The following PITPNC1 variants were observed in gnomAD, a reference collection of about 807,000 sequenced individuals.
PITPNC1 encodes the protein phosphatidylinositol transfer protein cytoplasmic 1.
In PITPNC1, 18 loss-of-function variants were observed where a neutral mutation model predicts 44.7. The observed-to-expected ratio is 0.40, with a 90% CI of 0.28 to 0.60. The LOEUF is 0.60. Ranked by LOEUF, PITPNC1 falls within the 20% of genes least tolerant of loss-of-function variation. The pLI is 0.39. For synonymous variants in PITPNC1, 141 were observed against 149.6 expected (o/e 0.94, Z 0.42); for missense variants, 290 against 418.4 (o/e 0.69, Z 2.68).
chr17:67,555,486 C>T (rs2040823779), intron 4 of PITPNC1, among the ~76,000 whole-genome samples: 1 of 152,072 alleles, frequency 6.6e-6, no homozygotes, highest in East Asian at 1.9e-4. Flanking sequence ...CTACCACCAA[C>T]ACTACCCCCT....
intron 1 of PITPNC1, among the ~76,000 whole-genome samples, chr17:67,472,602 G>A (rs2039557461): frequency 6.7e-6 from 1 of 149,438 alleles, no homozygotes; most frequent in Non-Finnish European, 1.5e-5. Context: ...AGCCGAGATT[G>A]CACCACTGCA....
intron 1 of PITPNC1, among the ~76,000 whole-genome samples, chr17:67,405,277 C>T (rs1012632392): frequency 1.3e-5 from 2 of 151,470 alleles, no homozygotes; most frequent in Admixed American, 6.6e-5. Context: ...TAGGGACAGG[C>T]GCAGTGGCTC....
At chr17:67,624,324 A>G (rs1256571269) in intron 5 of PITPNC1, among the ~76,000 whole-genome samples, 1 of 138,796 alleles carries the variant, frequency 7.2e-6, no homozygotes, top group Non-Finnish European at 1.5e-5. Flanking sequence ...CAGTCCTCCC[A>G]CCTCAGCCTC....
chr17:67,477,766 G>A (rs1316188474), intron 1 of PITPNC1, among the ~76,000 whole-genome samples: 1 of 152,112 alleles, frequency 6.6e-6, no homozygotes, highest in Non-Finnish European at 1.5e-5. Flanking sequence ...TCCATCGAGG[G>A]CCCTGGGCTT....
At chr17:67,452,768 G>A (rs927658407) in intron 1 of PITPNC1, among the ~76,000 whole-genome samples, 3 of 152,218 alleles carry the variant, frequency 2.0e-5, no homozygotes, top group African/African-American at 7.2e-5. Flanking sequence ...TTACAGGCGT[G>A]AGCCACTGGG....
intron 3 of PITPNC1, among the ~76,000 whole-genome samples, chr17:67,552,825 G>A (rs950893688): frequency 9.7e-5 from 14 of 144,124 alleles, no homozygotes; most frequent in Admixed American, 6.9e-5. Context: ...AAAAAAAAAA[G>A]CTTATGGAGA....
At chr17:67,448,803 G>C (rs1222062285) in intron 1 of PITPNC1, among the ~76,000 whole-genome samples, 1 of 152,114 alleles carries the variant, frequency 6.6e-6, no homozygotes, top group East Asian at 1.9e-4. Flanking sequence ...TGTTTGAGAT[G>C]GGGTCTTGCT....
chr17:67,522,675 G>GTTTTTTTTTTTTTTTTTTTT (rs1250669305), intron 1 of PITPNC1, among the ~76,000 whole-genome samples: 1 of 18,220 alleles, frequency 5.5e-5, no homozygotes, highest in African/African-American at 3.8e-4. Flanking sequence ...TTTTTTTTTG[G>GTTTTTTTTTTTTTTTTTTTT]AAAATGAGGT....
chr17:67,430,931 A>G (rs1349128176), intron 1 of PITPNC1, among the ~76,000 whole-genome samples: 1 of 152,172 alleles, frequency 6.6e-6, no homozygotes, highest in Non-Finnish European at 1.5e-5. Flanking sequence ...CCTGTGTGAC[A>G]AAGCAAGACC....
chr17:67,515,474 G>T (rs898275481), intron 1 of PITPNC1, among the ~76,000 whole-genome samples: 1 of 152,214 alleles, frequency 6.6e-6, no homozygotes, highest in Non-Finnish European at 1.5e-5. Flanking sequence ...AGCAAAAGAA[G>T]TAGTATATAT....
intron 1 of PITPNC1, among the ~76,000 whole-genome samples, chr17:67,411,011 G>A (rs1484169581): frequency 1.3e-5 from 2 of 151,510 alleles, no homozygotes; most frequent in African/African-American, 4.9e-5. Flanking sequence ...GAACTCGGGA[G>A]GCGGAGGTTG....
chr17:67,644,430 T>C (rs1184458952), intron 6 of PITPNC1, among the ~76,000 whole-genome samples: 1 of 98,490 alleles, frequency 1.0e-5, no homozygotes, highest in African/African-American at 4.6e-5. Context: ...CTGTAATTTT[T>C]TTTTTTTTTT....
At chr17:67,647,296 A>AT (rs2042158911) in intron 6 of PITPNC1, among the ~76,000 whole-genome samples, 1 of 151,502 alleles carries the variant, frequency 6.6e-6, no homozygotes, top group African/African-American at 2.4e-5. Context: ...ACCTTTTATT[A>AT]TTTTTTTTCT....
Position 67,507,630 on chromosome 17 carries a change from G to A in PITPNC1, c.49-25172G>A, listed in dbSNP as rs553536608. On this transcript the variant is annotated intron_variant, in intron 1 of 8. Transcript: ENST00000581322. Reference sequence around the variant, plus strand: ...AACCAGGAGATGGAGGTTTCAGTGCGCTGGGATCGTACTGCTGCACTCCAG... The same window carrying A: ...AACCAGGAGATGGAGGTTTCAGTGCACTGGGATCGTACTGCTGCACTCCAG... 2.5e-4 allele frequency among the ~76,000 whole-genome samples: 38 copies of A among 149,460 alleles called. No homozygotes were observed. The South Asian group carries it at 4.1e-3, about 16-fold the overall frequency.
At chr17:67,644,597 G>C (rs2042127478) in intron 6 of PITPNC1, among the ~76,000 whole-genome samples, 1 of 152,006 alleles carries the variant, frequency 6.6e-6, no homozygotes, top group Non-Finnish European at 1.5e-5. Flanking sequence ...ACCACGCCCA[G>C]CTAATTTTTG....
At chr17:67,571,537 A>G (rs1478261252) in intron 4 of PITPNC1, among the ~76,000 whole-genome samples, 1 of 152,212 alleles carries the variant, frequency 6.6e-6, no homozygotes, top group African/African-American at 2.4e-5. Flanking sequence ...GGCTCAGGCA[A>G]CTCACCAGGT....
At chr17:67,586,478 C>T (rs1050003758) in intron 5 of PITPNC1, among the ~76,000 whole-genome samples, 24 of 151,394 alleles carry the variant, frequency 1.6e-4, no homozygotes, top group African/African-American at 5.3e-4. Flanking sequence ...GCCTGTAATC[C>T]CTGCTACTCA....
intron 1 of PITPNC1, among the ~76,000 whole-genome samples, chr17:67,472,969 A>G (rs76556559): frequency 0.11 from 16,603 of 149,884 alleles, 1,270 homozygotes; most frequent in African/African-American, 0.21. Context: ...TCTGCCTCTC[A>G]GGTTCATGCC....
chr17:67,412,813 G>A (rs529663326), intron 1 of PITPNC1, among the ~76,000 whole-genome samples: 6 of 152,138 alleles, frequency 3.9e-5, no homozygotes, highest in Non-Finnish European at 7.3e-5. Context: ...TGATCCTCCC[G>A]CTTTGGCCTC....
Sources: allele counts gnomAD v4.1 joint callset (sites outside exome capture counted in the v4.1 genomes callset), GRCh38; gene constraint gnomAD v4.1.1; transcripts MANE v1.5; gene names NCBI Gene and HGNC (gene_info 2026-07-23, HGNC 2026-07-21).